MRPS5: variants seen among roughly 807,000 people sequenced by gnomAD.
MRPS5 encodes the protein mitochondrial ribosomal protein S5.
In MRPS5, 27 loss-of-function variants were observed where a neutral mutation model predicts 51.9. That is an observed-to-expected ratio of 0.52 (90% confidence interval 0.38 to 0.72). The LOEUF (loss-of-function observed/expected upper bound fraction) is 0.72. Ranked by LOEUF, MRPS5 falls within the 30% of genes least tolerant of loss-of-function variation. The pLI is 0.00. For synonymous variants in MRPS5, 196 were observed against 193.2 expected, an observed-to-expected ratio of 1.01 and a Z score of -0.12; for missense variants, 570 against 545.7, an observed-to-expected ratio of 1.04 and a Z score of -0.44.
chr2:95,110,987 C>A (rs562675280), intron 3 of MRPS5, among the ~76,000 whole-genome samples: 88 of 152,280 alleles, frequency 5.8e-4, no homozygotes, highest in African/African-American at 2.0e-3. Context: ...TTGCTTCCTG[C>A]AAGGTCTTAC....
intron 11 of MRPS5, among the ~76,000 whole-genome samples, chr2:95,090,037 C>T (rs1170509592): frequency 2.0e-5 from 3 of 151,192 alleles, no homozygotes; most frequent in African/African-American, 4.9e-5. Context: ...ATTAGCCGGG[C>T]GTAGTGGCGG....
At chr2:95,108,100 T>A in intron 5 of MRPS5, 75 bp downstream of exon 5, 1 of 1,313,410 alleles carries the variant, frequency 7.6e-7, no homozygotes, top group Non-Finnish European at 1.1e-6. Context: ...AGACAAGTAA[T>A]AACACCATTT....
At chr2:95,098,891 G>T (rs1372712867) in intron 10 of MRPS5, among the ~76,000 whole-genome samples, 5 of 149,188 alleles carry the variant, frequency 3.4e-5, no homozygotes, top group Non-Finnish European at 1.5e-5. Flanking sequence ...TGGGGACCTT[G>T]CCAGAGAAAT....
chr2:95,100,223 T>G (rs182188820), intron 10 of MRPS5, among the ~76,000 whole-genome samples: 1 of 152,208 alleles, frequency 6.6e-6, no homozygotes, highest in Non-Finnish European at 1.5e-5. Context: ...TCAGGTGCTA[T>G]TTCCCGTTTC....
chr2:95,117,967 AT>A, intron 1 of MRPS5, 22 bp from the exon 2 acceptor site: 3 of 1,543,814 alleles, frequency 1.9e-6, no homozygotes, highest in Non-Finnish European at 2.7e-6. Context: ...AAAAAAAAAA[AT>A]TTAAGATACA....
At chr2:95,110,172 C>G in intron 3 of MRPS5, 131 bp from the exon 4 acceptor site, 1 of 1,127,614 alleles carries the variant, frequency 8.9e-7, no homozygotes, top group Non-Finnish European at 1.3e-6. Flanking sequence ...GTAATGAAAG[C>G]AAAATTAAAT....
intron 1 of MRPS5, among the ~76,000 whole-genome samples, chr2:95,118,658 C>G (rs1488287104): frequency 6.6e-6 from 1 of 152,236 alleles, no homozygotes; most frequent in African/African-American, 2.4e-5. Flanking sequence ...TGTGTACCCT[C>G]TCACACAGTG....
At chr2:95,098,462 T>C (rs1675692963) in intron 10 of MRPS5, among the ~76,000 whole-genome samples, 1 of 152,190 alleles carries the variant, frequency 6.6e-6, no homozygotes, top group African/African-American at 2.4e-5. Context: ...AATGATAGAC[T>C]GGATTAAGAA....
chr2:95,089,515 C>T (rs900556817), intron 11 of MRPS5, among the ~76,000 whole-genome samples: 39 of 152,314 alleles, frequency 2.6e-4, no homozygotes, highest in Admixed American at 6.5e-4. Context: ...AATGGGGGCC[C>T]GGTGCAGTCA....
At chr2:95,106,287 CT>C in intron 6 of MRPS5, 135 bp downstream of exon 6, 1 of 748,990 alleles carries the variant, frequency 1.3e-6, no homozygotes, top group South Asian at 1.6e-5. Flanking sequence ...CACAATTTTC[CT>C]TACGCAGATC....
At chr2:95,112,018 C>A (rs1676134087) in intron 3 of MRPS5, among the ~76,000 whole-genome samples, 1 of 152,030 alleles carries the variant, frequency 6.6e-6, no homozygotes, top group Non-Finnish European at 1.5e-5. Flanking sequence ...CAGAAGGGTG[C>A]AGTTAGGTTA....
At chr2:95,117,604 GT>G (rs1377320577) in intron 2 of MRPS5, among the ~76,000 whole-genome samples, 1 of 150,064 alleles carries the variant, frequency 6.7e-6, no homozygotes, top group Non-Finnish European at 1.5e-5. Context: ...AAACTACCCC[GT>G]AATTGTTATT....
Position 95,108,165 on chromosome 2 carries a change from A to G in MRPS5, c.637+10T>C. On this transcript the variant is annotated intron_variant, in intron 5 of 11. Transcript: ENST00000272418. ...TGTCACAAAGGCAAACAAAACCAGG[A>G]GTTTGCTACCTCCACAGGGACCAGG... is the stretch of plus-strand genomic sequence containing the variant. The G allele has an allele frequency of 1.2e-6, 2 of 1,610,826 alleles. No individual in the cohort carries two copies. Among genetic ancestry groups the G allele is most frequent in the Non-Finnish European group, 1.7e-6 (2 of 1,176,982 alleles).
At chr2:95,091,909 GCA>G (rs965479905) in intron 10 of MRPS5, 1 of 152,344 alleles carries the variant, frequency 6.6e-6, no homozygotes, top group African/African-American at 2.4e-5. Flanking sequence ...GCACTGGTGT[GCA>G]CACACCTAGA....
At chr2:95,100,252 G>A (rs569197692) in intron 10 of MRPS5, among the ~76,000 whole-genome samples, 5 of 152,218 alleles carry the variant, frequency 3.3e-5, no homozygotes, top group South Asian at 4.2e-4. Flanking sequence ...TCTCCCCACC[G>A]TAAATTATTC....
chr2:95,099,121 T>C (rs1675720110), intron 10 of MRPS5, among the ~76,000 whole-genome samples: 2 of 151,656 alleles, frequency 1.3e-5, no homozygotes, highest in African/African-American at 2.4e-5. Context: ...GGTTTCACCA[T>C]GTCAGCCAAG....
intron 1 of MRPS5, 68 bp from the exon 2 acceptor site, chr2:95,118,013 C>T: frequency 8.6e-7 from 1 of 1,168,662 alleles, no homozygotes; most frequent in Non-Finnish European, 1.2e-6. Context: ...AACAGTAACA[C>T]CCACAAAATA....
intron 10 of MRPS5, among the ~76,000 whole-genome samples, chr2:95,098,297 C>A (rs186294425): frequency 4.6e-5 from 7 of 152,282 alleles, no homozygotes; most frequent in Admixed American, 1.3e-4. Context: ...CCTCAGGGAT[C>A]TAGAACTAGA....
At chr2:95,104,162 CATAA>C (rs902005322) in intron 7 of MRPS5, 4 of 164,324 alleles carry the variant, frequency 2.4e-5, no homozygotes, top group Admixed American at 2.3e-4. Flanking sequence ...TTTCTTGGCA[CATAA>C]ATATACTTTT....
Sources: allele counts gnomAD v4.1 joint callset (sites outside exome capture counted in the v4.1 genomes callset), GRCh38; gene constraint gnomAD v4.1.1; transcripts MANE v1.5; gene names NCBI Gene and HGNC (gene_info 2026-07-23, HGNC 2026-07-21).